Variants in LIPI observed in about 807,000 individuals in gnomAD.
LIPI encodes lipase I.
Under a neutral mutation model 50.6 loss-of-function variants are expected in LIPI, and 59 were observed. The observed-to-expected ratio is 1.16, with a 90% CI of 0.94 to 1.45. The LOEUF is 1.45. Among genes scored for constraint, LIPI ranks in the 40% most tolerant of loss-of-function variants. The pLI is 0.00. For missense variants in LIPI, 586 were observed against 536.3 expected (o/e 1.09, Z -0.92); for synonymous variants, 203 against 178.2 (o/e 1.14, Z -1.11).
chr21:14,159,674 C>CAGATTGT (rs1353560015), intron 7 of LIPI, among the ~76,000 whole-genome samples: 3 of 151,172 alleles, frequency 2.0e-5, no homozygotes, highest in Non-Finnish European at 4.4e-5. Flanking sequence ...TAAATGCACA[C>CAGATTGT]AGATTGTAAT....
intron 9 of LIPI, among the ~76,000 whole-genome samples, chr21:14,115,368 C>G (rs1600823734): frequency 6.6e-6 from 1 of 152,202 alleles, no homozygotes; most frequent in Non-Finnish European, 1.5e-5. Flanking sequence ...AGGCTTCCTG[C>G]ATCACATAGC....
chr21:14,116,400 C>A (rs2016640498), intron 9 of LIPI, among the ~76,000 whole-genome samples: 1 of 152,218 alleles, frequency 6.6e-6, no homozygotes, highest in East Asian at 1.9e-4. Flanking sequence ...GCACCCAAAC[C>A]TCCTGTAATA....
Position 14,167,403 on chromosome 21 carries a change from C to T in LIPI, c.644-952G>A, listed in dbSNP as rs143208223. On this transcript the variant is annotated intron_variant, in intron 4 of 9. Transcript: ENST00000681601. ...AGCTGGAGATCTGAGAACGGGCAGA[C>T]TGTCTCCTCAAGTGGGTCCCTGACC... Among the ~76,000 whole-genome samples the T allele has an allele frequency of 5.7e-3, 863 of 152,310 alleles. 7 individuals are homozygous for T. The highest frequency in any genetic ancestry group is 0.031 in the Middle Eastern group (9 of 294).
chr21:14,170,003 T>C (rs1163698056), intron 4 of LIPI, among the ~76,000 whole-genome samples: 4 of 151,870 alleles, frequency 2.6e-5, no homozygotes, highest in African/African-American at 9.7e-5. Context: ...AAGAATCAAA[T>C]AGATGCAATA....
intron 1 of LIPI, 31 bp downstream of exon 1, chr21:14,210,769 A>T: frequency 1.1e-6 from 1 of 950,766 alleles, no homozygotes; most frequent in Non-Finnish European, 1.4e-6. Context: ...CAATTTTTAA[A>T]GATAAATCAA....
At chr21:14,137,706 A>G (rs563334956) in intron 9 of LIPI, among the ~76,000 whole-genome samples, 1 of 152,318 alleles carries the variant, frequency 6.6e-6, no homozygotes, top group East Asian at 1.9e-4. Flanking sequence ...ATAATAACAA[A>G]TAACAGGGAT....
chr21:14,152,073 T>C (rs1352541752), intron 8 of LIPI, among the ~76,000 whole-genome samples: 3 of 50,908 alleles, frequency 5.9e-5, no homozygotes, highest in Non-Finnish European at 1.0e-4. Flanking sequence ...TTAACTTATT[T>C]TATTTATTTA....
chr21:14,167,679 A>T (rs1382181006), intron 4 of LIPI, among the ~76,000 whole-genome samples: 1 of 152,200 alleles, frequency 6.6e-6, no homozygotes. Flanking sequence ...GAAAACTAAC[A>T]AACAGAAAGG....
chr21:14,125,205 G>T (rs1194954577), intron 9 of LIPI, among the ~76,000 whole-genome samples: 4 of 152,028 alleles, frequency 2.6e-5, no homozygotes, highest in African/African-American at 7.2e-5. Context: ...CACTAGAAAT[G>T]GTGACTCTGT....
chr21:14,112,072 C>T (rs930164385), intron 9 of LIPI, among the ~76,000 whole-genome samples: 3 of 152,074 alleles, frequency 2.0e-5, no homozygotes, highest in African/African-American at 7.2e-5. Flanking sequence ...CCCACTCCAA[C>T]ACTATTTATT....
chr21:14,131,874 C>T (rs2017308329), intron 9 of LIPI, among the ~76,000 whole-genome samples: 2 of 151,956 alleles, frequency 1.3e-5, no homozygotes, highest in African/African-American at 4.8e-5. Context: ...AGAAAAAAAG[C>T]ATAAATTCTA....
intron 6 of LIPI, 32 bp downstream of exon 6, chr21:14,165,191 A>G: frequency 6.8e-7 from 1 of 1,468,792 alleles, no homozygotes; most frequent in Non-Finnish European, 9.5e-7. Context: ...ATATTAAATA[A>G]GAATGATAGT....
At chr21:14,149,813 C>A (rs969968121) in intron 8 of LIPI, among the ~76,000 whole-genome samples, 11 of 152,162 alleles carry the variant, frequency 7.2e-5, no homozygotes, top group Non-Finnish European at 1.3e-4. Context: ...GAGGTGAGCT[C>A]CCATAGCTTT....
At chr21:14,206,864 C>G in intron 1 of LIPI, 11 of 1,612,798 alleles carry the variant, frequency 6.8e-6, no homozygotes, top group Non-Finnish European at 9.3e-6. Flanking sequence ...TGGGTGAGAA[C>G]TGAAAAGCAT....
intron 4 of LIPI, among the ~76,000 whole-genome samples, chr21:14,171,695 C>T (rs996000728): frequency 2.6e-5 from 4 of 151,828 alleles, no homozygotes; most frequent in African/African-American, 9.7e-5. Flanking sequence ...CCCTTCCTTA[C>T]ACCTTATACA....
intron 1 of LIPI, among the ~76,000 whole-genome samples, chr21:14,200,122 T>C (rs1368752863): frequency 1.3e-5 from 2 of 152,056 alleles, no homozygotes; most frequent in African/African-American, 4.8e-5. Context: ...AAGAGCCATA[T>C]ATGACAAACC....
chr21:14,124,044 C>T lies in LIPI; in HGVS notation c.1296-14964G>A, dbSNP rs182998540. ...AACTCACTTTTTGGAGGATGGTTCT[C>T]ATGGTTTGGAGGCTTTAAAACTTTG... On this transcript the variant is annotated intron_variant, in intron 9 of 9. Transcript: ENST00000681601. Among the ~76,000 whole-genome samples, 440 of 152,310 alleles carry T rather than the reference C, an allele frequency of 2.9e-3. 3 individuals are homozygous for T. Among genetic ancestry groups the T allele is most frequent in the Middle Eastern group, 0.01 (3 of 294 alleles).
At chr21:14,133,379 A>T (rs1432379051) in intron 9 of LIPI, among the ~76,000 whole-genome samples, 3 of 152,160 alleles carry the variant, frequency 2.0e-5, no homozygotes, top group Non-Finnish European at 4.4e-5. Context: ...AGAATGAAAG[A>T]CATCATCTCA....
At chr21:14,139,973 T>A (rs2017645080) in intron 9 of LIPI, among the ~76,000 whole-genome samples, 1 of 152,076 alleles carries the variant, frequency 6.6e-6, no homozygotes, top group South Asian at 2.1e-4. Context: ...AGATACTAGT[T>A]AGGTCATGTG....
Sources: allele counts gnomAD v4.1 joint callset (sites outside exome capture counted in the v4.1 genomes callset), GRCh38; gene constraint gnomAD v4.1.1; transcripts MANE v1.5; gene names NCBI Gene and HGNC (gene_info 2026-07-23, HGNC 2026-07-21).